GLB1L3: variants seen among roughly 807,000 people sequenced by gnomAD.
GLB1L3 encodes the protein beta-galactosidase-1-like protein 3.
A neutral mutation model predicts 89.5 loss-of-function variants in GLB1L3; 89 were observed. That is an observed-to-expected ratio of 0.99 (90% CI 0.84 to 1.19). The LOEUF (loss-of-function observed/expected upper bound fraction) is 1.19, where lower values mean the gene tolerates loss of function less well. Among genes scored for constraint, GLB1L3 ranks in the 50% most tolerant of loss-of-function variants. The probability of loss-of-function intolerance (pLI) is 0.00; values close to 1 mark genes in which losing one functional copy is unlikely to be tolerated. For missense variants in GLB1L3, 812 were observed against 813.3 expected (o/e 1.00, Z 0.02); for synonymous variants, 314 against 312.3 (o/e 1.01, Z -0.06).
downstream of GLB1L3, among the ~76,000 whole-genome samples, chr11:134,321,541 T>C (rs1943168941): frequency 6.6e-6 from 1 of 151,676 alleles, no homozygotes; most frequent in South Asian, 2.1e-4. Flanking sequence ...AATGATAGAC[T>C]GGATTAAGAA....
chr11:134,283,662 G>C, intron 5 of GLB1L3, 75 bp from the exon 6 acceptor site: 1 of 779,444 alleles, frequency 1.3e-6, no homozygotes, highest in South Asian at 1.6e-5. Flanking sequence ...CGGCGAGCCG[G>C]GGCAGCTCTG....
intron 9 of GLB1L3, among the ~76,000 whole-genome samples, chr11:134,300,307 A>C (rs1941870854): frequency 6.8e-6 from 1 of 147,004 alleles, no homozygotes; most frequent in Non-Finnish European, 1.5e-5. Flanking sequence ...GACATATTGG[A>C]TTAGGGCCCA....
At position 134,277,899 on chromosome 11, in the gene GLB1L3, A is replaced by G. The variant is rs776233859; in HGVS notation, c.349A>G (p.Asn117Asp). 2.5e-6 allele frequency: 4 copies of G among 1,613,934 alleles called. No homozygotes were observed. The highest frequency in any genetic ancestry group is 3.4e-6 in the Non-Finnish European group (4 of 1,179,982). Residue 117 changes from asparagine (N) to aspartate (D), a missense_variant, in exon 3 of 20, where the codon AAT becomes GAT. Asn to Asp is a conservative substitution (Grantham distance 23). This residue lies in a region of GLB1L3 where 191 missense variants were observed against 191.4 expected (regional missense o/e 1.00). Transcript: ENST00000431683. ...GCTGAAGCTGAAGGCCTGTGGCTTCAATACTGTCACCACGTGAGTGCCGGC... is the reference window on the plus strand; with the variant it reads ...GCTGAAGCTGAAGGCCTGTGGCTTCGATACTGTCACCACGTGAGTGCCGGC... ...RLLKLKACGF[N>D]TVTTYVPWNL...
chr11:134,308,258 A>T (rs1591577913), intron 10 of GLB1L3, among the ~76,000 whole-genome samples: 2 of 42,102 alleles, frequency 4.8e-5, no homozygotes, highest in Non-Finnish European at 9.6e-5. Context: ...CACCATCACC[A>T]CCACCACCAC....
rs780857477 is a variant in GLB1L3, at chr11:134,293,131, T to C, written c.812-14T>C. ...GTCTCATGCCTCAGCTGGGTCTCTC[T>C]CTTCTTTATGCAGTGTTGGCCGCCA... On this transcript the variant is annotated splice_polypyrimidine_tract_variant and intron_variant, in intron 8 of 19. Transcript: ENST00000431683. 1 of 1,612,656 alleles carries C rather than the reference T, an allele frequency of 6.2e-7. No individual in the cohort carries two copies. The highest frequency in any genetic ancestry group is 1.1e-5 in the South Asian group (1 of 91,028).
At chr11:134,281,543 T>C in intron 4 of GLB1L3, 98 bp downstream of exon 4, 18 of 1,267,958 alleles carry the variant, frequency 1.4e-5, no homozygotes, top group Non-Finnish European at 2.1e-5. Flanking sequence ...GGGAGGGACG[T>C]GGGTCTGGAG....
Position 134,290,143 on chromosome 11 carries a change from G to A in GLB1L3, c.729+1253G>A, listed in dbSNP as rs538204140. Reference sequence around the variant, plus strand: ...CCCTCCCTGTCTTTTCCCAGGGGACGCGTGGCTGCCCTGCATCGGTTGTGT... The same window carrying A: ...CCCTCCCTGTCTTTTCCCAGGGGACACGTGGCTGCCCTGCATCGGTTGTGT... On this transcript the variant is annotated intron_variant, in intron 7 of 19. Coordinates refer to ENST00000431683, the MANE Select transcript of GLB1L3 (RefSeq NM_001080407.3). Among the ~76,000 whole-genome samples the A allele has an allele frequency of 5.3e-5, 8 of 152,302 alleles. No homozygotes were observed. The East Asian group carries it at 7.7e-4, about 15-fold the overall frequency.
At chr11:134,308,410 CCACCACCATCATCACCAT>C (rs1565413613) in intron 10 of GLB1L3, among the ~76,000 whole-genome samples, 17 of 92,610 alleles carry the variant, frequency 1.8e-4, no homozygotes, top group Non-Finnish European at 3.3e-4. Flanking sequence ...ACCATCACCA[CCACCACCATCATCACCAT>C]CACCACCACC....
rs5795879 is a variant in GLB1L3 at position 134,318,957 on chromosome 11, AT to A, written c.*30del. The stretch of plus-strand genomic sequence containing the variant: ...CCACGCTGTAAAACTGTGTCTGAAC[AT>A]TTTTTTTTTTTTTTGAGATGGAGTC... On this transcript the variant is annotated 3_prime_UTR_variant, in exon 20 of 20. Coordinates refer to ENST00000431683, the MANE Select transcript of GLB1L3 (RefSeq NM_001080407.3). 8.8e-3 allele frequency: 11,194 copies of A among 1,267,030 alleles called. No homozygotes were observed. The highest frequency in any genetic ancestry group is 9.6e-3 in the Middle Eastern group (37 of 3,852). 78.5% of individuals were successfully genotyped at this position (1,267,030 alleles called of 1,614,324 possible).
At chr11:134,288,451 A>G (rs557407473) in intron 6 of GLB1L3, among the ~76,000 whole-genome samples, 8 of 152,342 alleles carry the variant, frequency 5.3e-5, no homozygotes, top group African/African-American at 1.9e-4. Context: ...ACCCACACGC[A>G]AGTGGTGGCA....
At chr11:134,286,548 G>T (rs1229326219) in intron 6 of GLB1L3, among the ~76,000 whole-genome samples, 2 of 151,980 alleles carry the variant, frequency 1.3e-5, no homozygotes, top group Admixed American at 1.3e-4. Flanking sequence ...AGGCTGAGGC[G>T]GGTGGATCAC....
chr11:134,282,221 G>T, intron 5 of GLB1L3, 101 bp downstream of exon 5: 1 of 1,340,370 alleles, frequency 7.5e-7, no homozygotes, highest in Non-Finnish European at 1.0e-6. Context: ...CTTTATTCAC[G>T]GAGCCGATGG....
chr11:134,293,284 C>A (rs984479578), intron 9 of GLB1L3, 75 bp downstream of exon 9: 1 of 1,254,414 alleles, frequency 8.0e-7, no homozygotes, highest in Non-Finnish European at 1.1e-6. Context: ...GCTGGTATTC[C>A]GTGAAAACAG....
At chr11:134,324,191 A>G (rs911724872), downstream of GLB1L3, among the ~76,000 whole-genome samples, 3 of 152,204 alleles carry the variant, frequency 2.0e-5, no homozygotes, top group Admixed American at 2.0e-4. Flanking sequence ...CTACCATACC[A>G]AACTTAATCT....
Position 134,312,380 on chromosome 11 carries a change from A to G in GLB1L3, c.1319A>G (p.Glu440Gly). The change falls in exon 14 of 20, where the codon GAG (glutamate) becomes GGG (glycine). Residue 440 changes from glutamate (E) to glycine (G), a missense_variant. Coordinates refer to ENST00000431683, the MANE Select transcript of GLB1L3 (RefSeq NM_001080407.3). ...PVRSRQPVNM[E>G]NLPINNGSGQ... ...AGGTCGCGTCAGCCCGTCAACATGG[A>G]GAACCTTCCCATAAACAATGGGAGC... 6.2e-7 allele frequency: 1 copy of G among 1,613,814 alleles called. No homozygotes were observed. Among genetic ancestry groups the G allele is most frequent in the Non-Finnish European group, 8.5e-7 (1 of 1,179,870 alleles).
intron 1 of GLB1L3, 33 bp from the exon 2 acceptor site, chr11:134,277,293 T>C: frequency 6.2e-7 from 1 of 1,613,496 alleles, no homozygotes; most frequent in East Asian, 2.2e-5. Context: ...GCCGGAACCT[T>C]CCCCTTGTCA....
downstream of GLB1L3, among the ~76,000 whole-genome samples, chr11:134,323,900 A>G (rs1051325156): frequency 4.6e-5 from 7 of 152,252 alleles, no homozygotes; most frequent in East Asian, 1.3e-3. Context: ...AATCTTTTTT[A>G]TGTCGTGTAC....
intron 6 of GLB1L3, 77 bp from the exon 7 acceptor site, chr11:134,288,721 T>C: frequency 9.8e-7 from 1 of 1,024,434 alleles, no homozygotes; most frequent in East Asian, 2.5e-5. Context: ...TGTGCAGCCT[T>C]CGGCAGCAAG....
In GLB1L3 at chr11:134,292,174, G is replaced by C; in HGVS notation, c.772G>C (p.Asp258His). ...RGIVELLLTS[D>H]GEKHVLSGHT... ...GATTGTGGAGCTTCTCTTGACCTCT[G>C]ATGGTGAGAAACATGTGCTGAGTGG... The change falls in exon 8 of 20, where the codon GAT becomes CAT. Residue 258 changes from aspartate to histidine, a missense_variant. Transcript: ENST00000431683. 1 of 1,613,736 alleles carries C rather than the reference G, an allele frequency of 6.2e-7. No individual in the cohort carries two copies. The highest frequency in any genetic ancestry group is 8.5e-7 in the Non-Finnish European group (1 of 1,179,758).
Sources: gnomAD v4.1 joint callset for allele counts (sites outside exome capture counted in the v4.1 genomes callset) on GRCh38, gnomAD v4.1.1 for gene constraint, gnomAD v4.1.1 regional missense constraint, MANE v1.5 for transcripts, NCBI Gene and HGNC (gene_info 2026-07-23, HGNC 2026-07-21) for gene names.